Variants in SCRN1 observed in about 807,000 individuals in gnomAD.
SCRN1 encodes the protein secernin-1.
A neutral mutation model predicts 43.3 loss-of-function variants in SCRN1; 19 were observed. That is an observed-to-expected ratio of 0.44 (90% CI 0.31 to 0.64). The LOEUF (loss-of-function observed/expected upper bound fraction) is 0.64, where lower values mean the gene tolerates loss of function less well. Ranked by LOEUF, SCRN1 falls within the 30% of genes least tolerant of loss-of-function variation. The pLI is 0.09. For synonymous variants in SCRN1, 183 were observed against 188.9 expected (o/e 0.97, Z 0.26); for missense variants, 447 against 524.1 (o/e 0.85, Z 1.44).
At chr7:29,953,643 G>C (rs1052004517) in intron 3 of SCRN1, among the ~76,000 whole-genome samples, 4 of 152,072 alleles carry the variant, frequency 2.6e-5, no homozygotes, top group Non-Finnish European at 4.4e-5. Context: ...CTTTTCCCCA[G>C]CTCAGGGAAG....
Position 29,965,638 on chromosome 7 carries a change from C to T in SCRN1, c.159+3271G>A, listed in dbSNP as rs1474828157. 6.6e-6 allele frequency among the ~76,000 whole-genome samples: 1 copy of T among 152,088 alleles called. No homozygotes were observed. Among genetic ancestry groups the T allele is most frequent in the Non-Finnish European group, 1.5e-5 (1 of 68,010 alleles). On this transcript the variant is annotated intron_variant, in intron 2 of 7. Transcript: ENST00000242059. This position sits in a 1 kb window ranked among gnomAD's most constrained non-coding sequence, Gnocchi z 4.2. The stretch of plus-strand genomic sequence containing the variant: ...CACCTGCAGAATATGCAAGTGGGAA[C>T]GCAAAGAGGCAGCTCAAAACACAGG...
At chr7:29,944,266 T>TC in intron 3 of SCRN1, 87 bp from the exon 4 acceptor site, 1 of 1,151,840 alleles carries the variant, frequency 8.7e-7, no homozygotes, top group Non-Finnish European at 1.3e-6. Flanking sequence ...CAAGGCCGAG[T>TC]TATGAAGCAT....
intron 3 of SCRN1, among the ~76,000 whole-genome samples, chr7:29,952,308 C>A (rs1002055712): frequency 6.6e-6 from 1 of 152,204 alleles, no homozygotes; most frequent in Non-Finnish European, 1.5e-5. Context: ...TACTCTAGAA[C>A]TTGCCACTCA....
chr7:29,947,396 C>T, intron 3 of SCRN1: 1 of 1,501,976 alleles, frequency 6.7e-7, no homozygotes, highest in Non-Finnish European at 9.0e-7. Flanking sequence ...CTTATCTTTT[C>T]AACATCTGTG....
At chr7:29,940,898 A>AT in intron 4 of SCRN1, 22 bp from the exon 5 acceptor site, 1 of 1,466,326 alleles carries the variant, frequency 6.8e-7, no homozygotes, top group Non-Finnish European at 9.0e-7. Flanking sequence ...GCAAAGCCCC[A>AT]TAAGTTAAAA....
At chr7:29,954,549 T>C (rs1788066197) in intron 3 of SCRN1, among the ~76,000 whole-genome samples, 1 of 152,192 alleles carries the variant, frequency 6.6e-6, no homozygotes. Context: ...TCTAACTTCC[T>C]GCCTCTATGG....
chr7:29,978,426 G>A, intron 1 of SCRN1, among the ~76,000 whole-genome samples: 1 of 152,064 alleles, frequency 6.6e-6, no homozygotes, highest in East Asian at 1.9e-4. Flanking sequence ...TCCACTCTCT[G>A]ACACGGAGGC....
intron 5 of SCRN1, among the ~76,000 whole-genome samples, chr7:29,936,956 G>A (rs1787358556): frequency 6.6e-6 from 1 of 152,190 alleles, no homozygotes; most frequent in Non-Finnish European, 1.5e-5. Flanking sequence ...TGAGGCAGGA[G>A]AATGGTGTGA....
At chr7:29,944,522 G>T (rs1787664626) in intron 3 of SCRN1, among the ~76,000 whole-genome samples, 1 of 151,966 alleles carries the variant, frequency 6.6e-6, no homozygotes, top group South Asian at 2.1e-4. Flanking sequence ...AATTAGCCAG[G>T]CATGGCGGGA....
chr7:29,983,623 A>C (rs1789062646), intron 1 of SCRN1, among the ~76,000 whole-genome samples: 1 of 152,194 alleles, frequency 6.6e-6, no homozygotes, highest in Non-Finnish European at 1.5e-5. Context: ...TTTGGAGAAA[A>C]TCTGACAAAA....
intron 3 of SCRN1, chr7:29,947,409 T>C: frequency 6.9e-7 from 1 of 1,455,042 alleles, no homozygotes; most frequent in Non-Finnish European, 9.3e-7. Flanking sequence ...CATCTGTGCC[T>C]CCATGGATTA....
chr7:29,987,955 T>C (rs1222490786), intron 1 of SCRN1, among the ~76,000 whole-genome samples: 2 of 152,264 alleles, frequency 1.3e-5, no homozygotes, highest in African/African-American at 4.8e-5. Flanking sequence ...TCTATTCCAT[T>C]ATCCCTGAAG....
At chr7:29,975,630 C>T (rs1025219135) in intron 1 of SCRN1, among the ~76,000 whole-genome samples, 2 of 152,160 alleles carry the variant, frequency 1.3e-5, no homozygotes, top group African/African-American at 2.4e-5. Flanking sequence ...CACATATAAG[C>T]GTCTATAGGT....
intron 3 of SCRN1, among the ~76,000 whole-genome samples, chr7:29,944,991 A>T (rs572112356): frequency 6.6e-6 from 1 of 152,212 alleles, no homozygotes; most frequent in East Asian, 1.9e-4. Context: ...CAAATGCCAG[A>T]CATTATCCTG....
rs1583685277 is a variant in SCRN1 at position 29,965,080 on chromosome 7, T to G, written c.159+3829A>C. Among the ~76,000 whole-genome samples the G allele has an allele frequency of 6.6e-6, 1 of 152,260 alleles. No homozygotes were observed. Among genetic ancestry groups the G allele is most frequent in the East Asian group, 1.9e-4 (1 of 5,184 alleles). On this transcript the variant is annotated intron_variant, in intron 2 of 7. Coordinates refer to ENST00000242059, the MANE Select transcript of SCRN1 (RefSeq NM_014766.5). The surrounding 1 kb of genome is among the most constrained non-coding windows in gnomAD (Gnocchi z 4.2). ...TAAGGGGCTGTTTGGGAACTCTCTG[T>G]GCCTTCTGTTCATTTTTCTGTAAAC...
chr7:29,960,591 C>G (rs113451705), intron 2 of SCRN1, among the ~76,000 whole-genome samples: 91 of 152,188 alleles, frequency 6.0e-4, no homozygotes, highest in African/African-American at 2.1e-3. Flanking sequence ...AAACCTTAGC[C>G]AAAATCCACT....
chr7:29,958,953 G>A (rs1194634389), intron 2 of SCRN1, among the ~76,000 whole-genome samples: 1 of 152,214 alleles, frequency 6.6e-6, no homozygotes, highest in Non-Finnish European at 1.5e-5. Context: ...GGTTAGGTTG[G>A]AGGATAGAAA....
At chr7:29,964,062 GGGA>G (rs1736664447) in intron 2 of SCRN1, among the ~76,000 whole-genome samples, 1 of 152,184 alleles carries the variant, frequency 6.6e-6, no homozygotes, top group South Asian at 2.1e-4. Context: ...ATGGAGACAA[GGGA>G]GGAAGACTTC....
At chr7:29,972,559 C>T (rs11983187) in intron 1 of SCRN1, among the ~76,000 whole-genome samples, 21,983 of 152,102 alleles carry the variant, frequency 0.14, 1,630 homozygotes, top group Middle Eastern at 0.17. Context: ...GGCTTTTCCA[C>T]TAAATTTTGT....
Sources: allele counts gnomAD v4.1 joint callset (sites outside exome capture counted in the v4.1 genomes callset), GRCh38; gene constraint gnomAD v4.1.1; non-coding constraint Gnocchi (gnomAD v3.1); transcripts MANE v1.5; gene names NCBI Gene and HGNC (gene_info 2026-07-23, HGNC 2026-07-21).